Variants in SULF2 observed in about 807,000 individuals in gnomAD.
SULF2 encodes extracellular sulfatase Sulf-2.
Under a neutral mutation model 107.7 loss-of-function variants are expected in SULF2, and 52 were observed. The ratio of observed to expected loss-of-function variants is 0.48; its 90% CI spans 0.39 to 0.61. SULF2 has a LOEUF of 0.61. SULF2 is among the 20% of genes least tolerant of loss of function. The probability of loss-of-function intolerance (pLI) is 0.00; values close to 1 mark genes in which losing one functional copy is unlikely to be tolerated. For synonymous variants in SULF2, 460 were observed against 464.3 expected, an observed-to-expected ratio of 0.99 and a Z score of 0.12; for missense variants, 993 against 1,177.3, an observed-to-expected ratio of 0.84 and a Z score of 2.29.
intron 2 of SULF2, among the ~76,000 whole-genome samples, chr20:47,750,796 C>T (rs1313310335): frequency 2.6e-5 from 4 of 152,336 alleles, no homozygotes; most frequent in South Asian, 2.1e-4. Flanking sequence ...GGCCTCTTTG[C>T]GGCTCTGAGC....
rs1416432342 is a variant in SULF2 at position 47,703,656 on chromosome 20, TTGGG to T, written c.416-990_416-987del. Among the ~76,000 whole-genome samples the T allele has an allele frequency of 1.8e-4, 28 of 152,366 alleles. No homozygotes were observed. The East Asian group carries it at 4.2e-3, about 23-fold the overall frequency. On this transcript the variant is annotated intron_variant, in intron 3 of 20. Transcript: ENST00000688720. Reference sequence around the variant, plus strand: ...TAACTTCTACCCAACAATTTAAATCTTGGGTATTTACCCAACAGAAAAGTATTCA... The same window carrying T: ...TAACTTCTACCCAACAATTTAAATCTTATTTACCCAACAGAAAAGTATTCA...
Position 47,678,988 on chromosome 20 carries a change from C to T in SULF2, c.1065-184G>A, listed in dbSNP as rs1303456570. Among the ~76,000 whole-genome samples, 1 of 150,370 alleles carries T rather than the reference C, an allele frequency of 6.7e-6. No homozygotes were observed. The highest frequency in any genetic ancestry group is 6.6e-5 in the Admixed American group (1 of 15,054). On this transcript the variant is annotated intron_variant, in intron 7 of 20. Transcript: ENST00000688720. The surrounding 1 kb of genome is among the most constrained non-coding windows in gnomAD (Gnocchi z 4.5). Reference sequence around the variant, plus strand: ...CTGCGGCCCAGATTCAGCTGAACCCCCACTCTGTGCTCGCCCCCCCTTAGT... The same window carrying T: ...CTGCGGCCCAGATTCAGCTGAACCCTCACTCTGTGCTCGCCCCCCCTTAGT...
intron 3 of SULF2, among the ~76,000 whole-genome samples, chr20:47,714,859 T>A (rs762515122): frequency 1.3e-5 from 2 of 152,130 alleles, no homozygotes; most frequent in Non-Finnish European, 1.5e-5. Context: ...CTGAAAGAAA[T>A]CACCTTCCTC....
intron 3 of SULF2, among the ~76,000 whole-genome samples, chr20:47,707,330 G>A (rs1488598909): frequency 1.3e-5 from 2 of 151,878 alleles, no homozygotes; most frequent in East Asian, 3.9e-4. Context: ...CATTTTCCCC[G>A]TGCCCCACTT....
chr20:47,770,759 G>T (rs2090614504), intron 1 of SULF2, among the ~76,000 whole-genome samples: 1 of 152,154 alleles, frequency 6.6e-6, no homozygotes. Context: ...CAGTCGGTTG[G>T]GAGCTTGGGA....
At chr20:47,664,220 A>T (rs1270888360) in intron 14 of SULF2, 31 bp from the exon 15 acceptor site, 12 of 1,603,296 alleles carry the variant, frequency 7.5e-6, no homozygotes, top group Non-Finnish European at 1.0e-5. Context: ...CCCAGGCTTC[A>T]GGAGTGGCTC....
chr20:47,715,875 G>A (rs2089103782), intron 3 of SULF2, among the ~76,000 whole-genome samples: 1 of 152,212 alleles, frequency 6.6e-6, no homozygotes, highest in Admixed American at 6.5e-5. Flanking sequence ...CACTGCGCCT[G>A]GCTGAGAACG....
chr20:47,715,225 C>T (rs573594435), intron 3 of SULF2, among the ~76,000 whole-genome samples: 2 of 151,720 alleles, frequency 1.3e-5, no homozygotes, highest in East Asian at 3.9e-4. Context: ...GTCACCATGT[C>T]CAGCCTCAAA....
intron 3 of SULF2, among the ~76,000 whole-genome samples, chr20:47,718,885 C>T (rs2146685346): frequency 6.6e-6 from 1 of 152,258 alleles, no homozygotes; most frequent in East Asian, 1.9e-4. Flanking sequence ...AACTGAGGAG[C>T]TGTAAGCATT....
At chr20:47,724,480 G>A (rs1600577763) in intron 3 of SULF2, among the ~76,000 whole-genome samples, 1 of 152,190 alleles carries the variant, frequency 6.6e-6, no homozygotes, top group Non-Finnish European at 1.5e-5. Flanking sequence ...CATGGAGGGC[G>A]GGCTGCCTGT....
chr20:47,672,248 C>T lies in SULF2; in HGVS notation c.1526G>A (p.Gly509Glu). Residue 509 changes from glycine (G) to glutamate (E), a missense_variant, in exon 11 of 21, where the codon GGG becomes GAG. Coordinates refer to ENST00000688720, the MANE Select transcript of SULF2 (RefSeq NM_001387048.1). ...QGSEACTCDS[G>E]DYKLSLAGRR... ...TCCGGCCAGGCTGAGCTTGTAGTCC[C>T]CGCTGTCACAGGTGCAGGCCTCGCT... 6.2e-7 allele frequency: 1 copy of T among 1,613,390 alleles called. No homozygotes were observed. Among genetic ancestry groups the T allele is most frequent in the Non-Finnish European group, 8.5e-7 (1 of 1,179,604 alleles).
At position 47,765,368 on chromosome 20, in the gene SULF2, AAAC is replaced by A. The variant is rs1164906153; in HGVS notation, c.-100-7908_-100-7906del. On this transcript the variant is annotated intron_variant, in intron 1 of 20. Coordinates refer to ENST00000688720, the MANE Select transcript of SULF2 (RefSeq NM_001387048.1). ...CACTGCCTTAAAAAAAAACAAAACA[AAAC>A]AAAAAAAAAAAAACAGGAGAGAGAA... Among the ~76,000 whole-genome samples, 292 of 94,932 alleles carry A rather than the reference AAAC, an allele frequency of 3.1e-3. 1 individual carries two copies. Among genetic ancestry groups the A allele is most frequent in the African/African-American group, 0.013 (279 of 21,610 alleles). 62.3% of individuals were successfully genotyped at this position (94,932 alleles called of 152,430 possible).
chr20:47,727,406 G>T (rs960005459), intron 3 of SULF2, among the ~76,000 whole-genome samples: 1 of 152,148 alleles, frequency 6.6e-6, no homozygotes, highest in Non-Finnish European at 1.5e-5. Flanking sequence ...CAAGGGCAAA[G>T]GACCCTCCCC....
intron 6 of SULF2, among the ~76,000 whole-genome samples, chr20:47,684,108 T>C (rs2087916794): frequency 6.6e-6 from 1 of 152,220 alleles, no homozygotes; most frequent in Non-Finnish European, 1.5e-5. Context: ...ACCACAGAAT[T>C]GCACACTTTA....
At chr20:47,719,709 T>C (rs1345488452) in intron 3 of SULF2, among the ~76,000 whole-genome samples, 1 of 152,232 alleles carries the variant, frequency 6.6e-6, no homozygotes, top group Non-Finnish European at 1.5e-5. Context: ...AGCAAACTAT[T>C]TCTGCAAAGG....
chr20:47,697,742 G>C (rs1183153925), intron 4 of SULF2, among the ~76,000 whole-genome samples: 1 of 152,172 alleles, frequency 6.6e-6, no homozygotes, highest in Non-Finnish European at 1.5e-5. Flanking sequence ...GTGTGGGCAG[G>C]AAACAGGGCA....
At chr20:47,672,699 G>T in intron 10 of SULF2, 1 of 260,764 alleles carries the variant, frequency 3.8e-6, no homozygotes, top group Non-Finnish European at 6.0e-6. Flanking sequence ...GGGCAAGTTG[G>T]ATCATATTAC....
Position 47,696,401 on chromosome 20 carries a change from C to CA in SULF2, c.568-6107dup, listed in dbSNP as rs1406655875. 1.8e-4 allele frequency among the ~76,000 whole-genome samples: 11 copies of CA among 60,824 alleles called. No individual in the cohort carries two copies. The East Asian group carries it at 7.0e-3, about 39-fold the overall frequency. The allele number at this position is 60,824 out of a possible 152,430, so 39.9% of individuals were successfully genotyped here. Reference sequence around the variant, plus strand: ...CTCATTTGATTAGATTACTCCTTACCACCCCCCCACCCCCATAACCTTGGC... The same window carrying CA: ...CTCATTTGATTAGATTACTCCTTACCAACCCCCCCACCCCCATAACCTTGGC... On this transcript the variant is annotated intron_variant, in intron 4 of 20. Transcript: ENST00000688720.
intron 3 of SULF2, among the ~76,000 whole-genome samples, chr20:47,730,066 T>G (rs1237569931): frequency 1.3e-5 from 2 of 152,086 alleles, no homozygotes; most frequent in East Asian, 3.9e-4. Context: ...CAGACCCTGG[T>G]GAGGGTAGCT....
Sources: gnomAD v4.1 joint callset for allele counts (sites outside exome capture counted in the v4.1 genomes callset) on GRCh38, gnomAD v4.1.1 for gene constraint, Gnocchi (gnomAD v3.1) non-coding constraint, MANE v1.5 for transcripts, NCBI Gene and HGNC (gene_info 2026-07-23, HGNC 2026-07-21) for gene names.